Variants in HYCC1 observed in about 807,000 individuals in gnomAD.
HYCC1 encodes hyccin.
chr7:22,992,013 C>T, the HYCC1 span, among the ~76,000 whole-genome samples: 1 of 151,780 alleles, frequency 6.6e-6, no homozygotes, highest in East Asian at 1.9e-4. Flanking sequence ...TTTTAATCTG[C>T]AAAATAGGGA....
the HYCC1 span, chr7:22,964,635 A>G: frequency 1.5e-6 from 1 of 685,204 alleles, no homozygotes; most frequent in East Asian, 2.7e-5. Context: ...TTCATAACAA[A>G]CCTAATATTT....
the HYCC1 span, among the ~76,000 whole-genome samples, chr7:22,973,309 C>A: frequency 2.6e-5 from 4 of 152,244 alleles, no homozygotes; most frequent in South Asian, 8.3e-4. Flanking sequence ...TTTTCTAATT[C>A]TTTTCTATTC....
At chr7:22,984,378 C>T in the HYCC1 span, among the ~76,000 whole-genome samples, 1 of 152,102 alleles carries the variant, frequency 6.6e-6, no homozygotes, top group Non-Finnish European at 1.5e-5. Flanking sequence ...TCAACAAGGA[C>T]ATAAACTAAC....
the HYCC1 span, among the ~76,000 whole-genome samples, chr7:22,989,549 G>A: frequency 6.6e-6 from 1 of 151,802 alleles, no homozygotes; most frequent in East Asian, 1.9e-4. Flanking sequence ...GGAGAGAGGG[G>A]GTCTTGCTGT....
At chr7:23,003,436 TA>T in the HYCC1 span, among the ~76,000 whole-genome samples, 1 of 151,864 alleles carries the variant, frequency 6.6e-6, no homozygotes, top group Non-Finnish European at 1.5e-5. Flanking sequence ...TAAAATAAAA[TA>T]AATAAATGCT....
the HYCC1 span, among the ~76,000 whole-genome samples, chr7:22,919,349 C>A: frequency 2.0e-4 from 30 of 152,130 alleles, no homozygotes; most frequent in East Asian, 5.0e-3. Context: ...GCCAACATGG[C>A]GAAACCCCAT....
the HYCC1 span, among the ~76,000 whole-genome samples, chr7:23,013,086 A>G: frequency 6.6e-6 from 1 of 152,196 alleles, no homozygotes. Flanking sequence ...AAAATCTTTC[A>G]GGAATGTCTA....
the HYCC1 span, chr7:22,976,900 A>C: frequency 1.3e-6 from 1 of 763,960 alleles, no homozygotes; most frequent in South Asian, 1.5e-5. Flanking sequence ...AATAGCTACC[A>C]CGAACATCAT....
chr7:22,982,926 C>G, the HYCC1 span, among the ~76,000 whole-genome samples: 3 of 152,144 alleles, frequency 2.0e-5, no homozygotes, highest in African/African-American at 7.2e-5. Context: ...AAATGCCATA[C>G]CTTTTTACTT....
chr7:22,969,668 C>T, the HYCC1 span, among the ~76,000 whole-genome samples: 1 of 151,768 alleles, frequency 6.6e-6, no homozygotes, highest in Non-Finnish European at 1.5e-5. Flanking sequence ...GGATTACAGG[C>T]ACCCCACCAC....
the HYCC1 span, among the ~76,000 whole-genome samples, chr7:22,918,982 A>C: frequency 1.3e-5 from 2 of 152,164 alleles, no homozygotes; most frequent in Admixed American, 1.3e-4. Context: ...AAACACACTC[A>C]AGCCAATAAC....
chr7:22,929,596 T>A, the HYCC1 span, among the ~76,000 whole-genome samples: 30 of 152,182 alleles, frequency 2.0e-4, no homozygotes, highest in Non-Finnish European at 3.2e-4. Context: ...GAAAAAATGC[T>A]CATCATCACT....
At chr7:22,906,694 T>A in the HYCC1 span, among the ~76,000 whole-genome samples, 3 of 152,070 alleles carry the variant, frequency 2.0e-5, no homozygotes, top group Non-Finnish European at 4.4e-5. Context: ...AATATAGTAC[T>A]AATAAAAGAC....
At chr7:22,982,124 C>T in the HYCC1 span, among the ~76,000 whole-genome samples, 23 of 152,166 alleles carry the variant, frequency 1.5e-4, no homozygotes, top group African/African-American at 5.1e-4. Flanking sequence ...AAACATAAAG[C>T]GTATGGCTAT....
At chr7:22,990,946 T>C in the HYCC1 span, 80 of 713,240 alleles carry the variant, frequency 1.1e-4, no homozygotes, top group Non-Finnish European at 1.5e-4. Context: ...TGATAGAAAA[T>C]ACTTCCACAG....
chr7:22,978,070 T>C, the HYCC1 span: 1 of 608,868 alleles, frequency 1.6e-6, no homozygotes, highest in Non-Finnish European at 2.9e-6. Flanking sequence ...CTTCAATCAA[T>C]CCATAAAGGT....
At chr7:23,013,044 T>G in the HYCC1 span, among the ~76,000 whole-genome samples, 1 of 152,152 alleles carries the variant, frequency 6.6e-6, no homozygotes, top group Non-Finnish European at 1.5e-5. Context: ...GAGAGCAGAT[T>G]CTGTGCAGTA....
chr7:22,928,287 GC>G, the HYCC1 span, among the ~76,000 whole-genome samples: 1 of 152,206 alleles, frequency 6.6e-6, no homozygotes, highest in African/African-American at 2.4e-5. Flanking sequence ...AGACAGGGAT[GC>G]CCTCTCTCAC....
chr7:22,920,424 A>C, the HYCC1 span, among the ~76,000 whole-genome samples: 19 of 152,198 alleles, frequency 1.2e-4, no homozygotes, highest in Non-Finnish European at 2.2e-4. Context: ...AGAGATCCCA[A>C]ATAAGGTTAG....
Sources: allele counts gnomAD v4.1 joint callset (sites outside exome capture counted in the v4.1 genomes callset), GRCh38; gene constraint gnomAD v4.1.1; transcripts MANE v1.5; gene names NCBI Gene and HGNC (gene_info 2026-07-23, HGNC 2026-07-21).